The following ETFA variants were observed in gnomAD, a reference collection of about 807,000 sequenced individuals.
ETFA encodes electron transfer flavoprotein subunit alpha.
ETFA carries 22 observed loss-of-function variants against 46.2 expected under a neutral mutation model. The ratio of observed to expected loss-of-function variants is 0.48; its 90% CI spans 0.34 to 0.68. The LOEUF is 0.68. Ranked by LOEUF, ETFA falls within the 30% of genes least tolerant of loss-of-function variation. The pLI, the probability that ETFA is intolerant of heterozygous loss-of-function variation, is 0.01. For synonymous variants in ETFA, 131 were observed against 139.9 expected (o/e 0.94, Z 0.45); for missense variants, 345 against 401.1 (o/e 0.86, Z 1.19).
intron 8 of ETFA, among the ~76,000 whole-genome samples, chr15:76,281,566 T>C (rs1228695678): frequency 1.3e-5 from 2 of 151,512 alleles, no homozygotes; most frequent in African/African-American, 2.4e-5. Flanking sequence ...GCTGGGACTA[T>C]AGGCACGTAT....
chr15:76,280,155 T>C (rs1165765220), intron 8 of ETFA, among the ~76,000 whole-genome samples: 2 of 152,124 alleles, frequency 1.3e-5, no homozygotes, highest in African/African-American at 4.8e-5. Context: ...GATTCTCAAA[T>C]ATGTACCTCT....
intron 1 of ETFA, among the ~76,000 whole-genome samples, chr15:76,307,210 G>T (rs1293170844): frequency 1.3e-5 from 2 of 152,002 alleles, no homozygotes; most frequent in Non-Finnish European, 2.9e-5. Flanking sequence ...CAATAATTAG[G>T]ATTAATATCC....
intron 9 of ETFA, among the ~76,000 whole-genome samples, chr15:76,234,421 G>C (rs1567198570): frequency 1.3e-5 from 2 of 152,024 alleles, no homozygotes; most frequent in Admixed American, 1.3e-4. Flanking sequence ...TAATTTATGG[G>C]GCACTTCAGA....
At chr15:76,294,170 A>AT (rs1223949371) in intron 2 of ETFA, among the ~76,000 whole-genome samples, 1 of 152,208 alleles carries the variant, frequency 6.6e-6, no homozygotes, top group Non-Finnish European at 1.5e-5. Context: ...TTCTATTTTG[A>AT]TTTTTCTCAA....
At chr15:76,239,751 G>C (rs2039165871) in intron 9 of ETFA, among the ~76,000 whole-genome samples, 1 of 147,978 alleles carries the variant, frequency 6.8e-6, no homozygotes, top group South Asian at 2.1e-4. Flanking sequence ...AACAAGATGA[G>C]ACCTGGTGAA....
chr15:76,253,726 G>A (rs2039323574), intron 9 of ETFA, among the ~76,000 whole-genome samples: 1 of 152,186 alleles, frequency 6.6e-6, no homozygotes. Context: ...GAGAGATTTT[G>A]GATGGCCACA....
intron 5 of ETFA, 178 bp downstream of exon 5, chr15:76,287,668 G>C: frequency 3.6e-6 from 2 of 562,694 alleles, no homozygotes; most frequent in Admixed American, 5.4e-5. Flanking sequence ...CGATCCATCA[G>C]AGAGAATGCC....
At chr15:76,257,935 C>T (rs1443070598) in intron 9 of ETFA, among the ~76,000 whole-genome samples, 4 of 146,358 alleles carry the variant, frequency 2.7e-5, no homozygotes, top group South Asian at 2.1e-4. Flanking sequence ...AACCAAACAA[C>T]GCATGTTCTC....
At chr15:76,295,849 CAAT>C (rs2080347000) in intron 1 of ETFA, 112 bp from the exon 2 acceptor site, 1 of 579,306 alleles carries the variant, frequency 1.7e-6, no homozygotes, top group African/African-American at 2.1e-5. Flanking sequence ...ATTCTGTACA[CAAT>C]ATTATTCTAT....
intron 9 of ETFA, among the ~76,000 whole-genome samples, chr15:76,264,629 T>A (rs181851988): frequency 6.6e-6 from 1 of 152,306 alleles, no homozygotes; most frequent in Non-Finnish European, 1.5e-5. Context: ...TTCTTGCATA[T>A]GATAATGCTA....
At chr15:76,262,715 C>A (rs894928782) in intron 9 of ETFA, among the ~76,000 whole-genome samples, 2 of 152,030 alleles carry the variant, frequency 1.3e-5, no homozygotes, top group Non-Finnish European at 2.9e-5. Flanking sequence ...ATCTCCTGAC[C>A]TGGTGATCTG....
intron 4 of ETFA, among the ~76,000 whole-genome samples, chr15:76,291,096 G>GACA (rs2039757106): frequency 6.6e-6 from 1 of 152,092 alleles, no homozygotes; most frequent in Admixed American, 6.6e-5. Context: ...TGTACCTGTA[G>GACA]TCCTAGCTAC....
rs183474580 is a variant in ETFA, at chr15:76,241,985, C to T, written c.817-10587G>A. ...CTGAGTAGCTGGGACTACAGGTGTG[C>T]GCCACCACGCCCGGCTAATTTTTGT... is the stretch of plus-strand genomic sequence containing the variant. On this transcript the variant is annotated intron_variant, in intron 9 of 11. Coordinates refer to ENST00000557943, the MANE Select transcript of ETFA (RefSeq NM_000126.4). Among the ~76,000 whole-genome samples, 321 of 151,502 alleles carry T rather than the reference C, an allele frequency of 2.1e-3. 3 individuals carry two copies. The highest frequency in any genetic ancestry group is 6.8e-3 in the African/African-American group (281 of 41,416).
At chr15:76,304,554 C>T (rs2039917727) in intron 1 of ETFA, among the ~76,000 whole-genome samples, 1 of 151,208 alleles carries the variant, frequency 6.6e-6, no homozygotes, top group South Asian at 2.1e-4. Context: ...GCCCCAGCTA[C>T]TTGGAAGGCT....
chr15:76,243,331 A>G (rs2039210581), intron 9 of ETFA, among the ~76,000 whole-genome samples: 1 of 152,108 alleles, frequency 6.6e-6, no homozygotes, highest in African/African-American at 2.4e-5. Context: ...ATATTTTACC[A>G]CAATAAAAAA....
At chr15:76,227,038 A>G (rs2039011406) in intron 10 of ETFA, among the ~76,000 whole-genome samples, 1 of 152,190 alleles carries the variant, frequency 6.6e-6, no homozygotes, top group Non-Finnish European at 1.5e-5. Flanking sequence ...AGATTAATAA[A>G]AGAAGCAAAT....
chr15:76,311,133 C>A (rs1174838087), intron 1 of ETFA, among the ~76,000 whole-genome samples: 1 of 152,216 alleles, frequency 6.6e-6, no homozygotes, highest in East Asian at 1.9e-4. Context: ...TTCGGGGTCA[C>A]CCTGACCCCA....
At chr15:76,234,170 A>C (rs762841901) in intron 9 of ETFA, among the ~76,000 whole-genome samples, 4 of 152,168 alleles carry the variant, frequency 2.6e-5, no homozygotes, top group Admixed American at 6.5e-5. Flanking sequence ...TGTCTTGCAA[A>C]CATGGTCCTC....
At chr15:76,261,117 C>A in intron 9 of ETFA, 1 of 1,517,684 alleles carries the variant, frequency 6.6e-7, no homozygotes, top group Non-Finnish European at 9.1e-7. Flanking sequence ...CATGGGTGCT[C>A]TGGGTCACCC....
Sources: gnomAD v4.1 joint callset for allele counts (sites outside exome capture counted in the v4.1 genomes callset) on GRCh38, gnomAD v4.1.1 for gene constraint, MANE v1.5 for transcripts, NCBI Gene and HGNC (gene_info 2026-07-23, HGNC 2026-07-21) for gene names.